The following ENPP3 variants were observed in gnomAD, a reference collection of about 807,000 sequenced individuals.
The protein encoded by ENPP3 is ectonucleotide pyrophosphatase/phosphodiesterase 3, also known as ectonucleotide pyrophosphatase/phosphodiesterase family member 3.
A neutral mutation model predicts 117.8 loss-of-function variants in ENPP3; 104 were observed. The ratio of observed to expected loss-of-function variants is 0.88; its 90% CI spans 0.75 to 1.04. The LOEUF is 1.04. ENPP3 is among the 50% of genes least tolerant of loss of function. The pLI, the probability that ENPP3 is intolerant of heterozygous loss-of-function variation, is 0.00. For missense variants in ENPP3, 1,026 were observed against 1,051.9 expected, an observed-to-expected ratio of 0.98 and a Z score of 0.34; for synonymous variants, 380 against 349.9, an observed-to-expected ratio of 1.09 and a Z score of -0.96.
chr6:131,653,175 G>A (rs1178487871), intron 5 of ENPP3, among the ~76,000 whole-genome samples: 1 of 152,110 alleles, frequency 6.6e-6, no homozygotes, highest in Admixed American at 6.6e-5. Context: ...TGTTTTCCAA[G>A]CTGGAGCGCG....
intron 15 of ENPP3, among the ~76,000 whole-genome samples, chr6:131,716,676 A>T (rs1044202108): frequency 5.8e-3 from 2 of 346 alleles, no homozygotes; most frequent in Non-Finnish European, 0.013. Context: ...ATTTATAATT[A>T]AAAAAATAGA....
rs375126762 is a variant in ENPP3, at chr6:131,675,968, C to T, written c.873-768C>T. On this transcript the variant is annotated intron_variant, in intron 9 of 24. Coordinates refer to ENST00000357639, the MANE Select transcript of ENPP3 (RefSeq NM_005021.5). ...GCTTACAAGGCCCTGTGTGGCATGACCTCTGGTGTCCCCTTACCTCTCAGA... is the reference window on the plus strand; with the variant it reads ...GCTTACAAGGCCCTGTGTGGCATGATCTCTGGTGTCCCCTTACCTCTCAGA... Among the ~76,000 whole-genome samples, 21 of 152,318 alleles carry T rather than the reference C, an allele frequency of 1.4e-4. 1 individual carries two copies. The South Asian group carries it at 2.1e-3, about 15-fold the overall frequency.
intron 19 of ENPP3, 144 bp downstream of exon 19, chr6:131,724,235 A>C (rs1780101513): frequency 1.6e-6 from 1 of 610,652 alleles, no homozygotes; most frequent in Non-Finnish European, 2.8e-6. Flanking sequence ...GTAAAAAAAA[A>C]AAAACTCACA....
chr6:131,720,579 A>G (rs944265422), intron 17 of ENPP3, among the ~76,000 whole-genome samples, 200 bp downstream of exon 17: 6 of 152,096 alleles, frequency 3.9e-5, no homozygotes, highest in African/African-American at 1.2e-4. Flanking sequence ...ACTAGTAATG[A>G]TAAACTTTAT....
At position 131,668,330 on chromosome 6, in the gene ENPP3, G is replaced by GCC. The variant is rs60833818; in HGVS notation, c.563-2911_563-2910dup. Among the ~76,000 whole-genome samples the GCC allele has an allele frequency of 8.3e-3, 1,175 of 141,664 alleles. 11 individuals are homozygous for GCC. The highest frequency in any genetic ancestry group is 0.026 in the Middle Eastern group (7 of 272). The allele number at this position is 141,664 out of a possible 152,430, so 92.9% of individuals were successfully genotyped here. A position where few individuals can be genotyped will look rare whatever the true frequency, so the allele number is the denominator to read the frequency against. On this transcript the variant is annotated intron_variant, in intron 6 of 24. Transcript: ENST00000357639. ...CGGGTTCCAGTGATTCTCCTGTCTC[G>GCC]CCCCCCCCTGAGGATCTGGGATTAC...
At chr6:131,661,538 C>CA (rs1778499758) in intron 6 of ENPP3, among the ~76,000 whole-genome samples, 1 of 152,038 alleles carries the variant, frequency 6.6e-6, no homozygotes, top group Non-Finnish European at 1.5e-5. Flanking sequence ...GTGATCCTCC[C>CA]ATCTCAGCCT....
Position 131,733,659 on chromosome 6 carries a change from G to A in ENPP3, c.2025G>A (p.Glu675=). 15 of 1,614,130 alleles carry A rather than the reference G, an allele frequency of 9.3e-6. No homozygotes were observed. The highest frequency in any genetic ancestry group is 1.3e-5 in the Non-Finnish European group (15 of 1,180,006). ...CTGATGTCAGGGTTCCTCCTTCTGA[G>A]AGCCAAAAATGTTCCTTCTATTTAG... is the stretch of plus-strand genomic sequence containing the variant. ...LRADVRVPPS[E]SQKCSFYLAD... is the part of the protein sequence containing the mutation. Residue 675 remains glutamate, a synonymous_variant, in exon 21 of 25, where the codon GAG becomes GAA. Transcript: ENST00000357639.
In ENPP3 at chr6:131,652,557, G is replaced by A. The variant is rs767163918; in HGVS notation, c.293G>A (p.Cys98Tyr). 27 of 1,613,992 alleles carry A rather than the reference G, an allele frequency of 1.7e-5. No homozygotes were observed. Among genetic ancestry groups the A allele is most frequent in the Non-Finnish European group, 2.3e-5 (27 of 1,179,872 alleles). ...CGTTTTACAGCTCGAATATGGATGT[G>A]CAATAAATTTCGTTGTGGAGAGACC... ...TCVESTRIWM[C>Y]NKFRCGETRL... Residue 98 changes from cysteine (C) to tyrosine (Y), a missense_variant, in exon 4 of 25, where the codon TGC becomes TAC. By Grantham distance (194) the Cys-to-Tyr change is radical. Transcript: ENST00000357639.
At chr6:131,696,921 C>G (rs764193869) in intron 15 of ENPP3, among the ~76,000 whole-genome samples, 2 of 152,034 alleles carry the variant, frequency 1.3e-5, no homozygotes, top group Non-Finnish European at 2.9e-5. Context: ...AGGCACCCAC[C>G]ACCACACCCA....
Position 131,729,942 on chromosome 6 carries a change from A to G in ENPP3, c.1954-3646A>G, listed in dbSNP as rs149728460. Among the ~76,000 whole-genome samples the G allele has an allele frequency of 1.4e-3, 206 of 152,312 alleles. 1 individual carries two copies. Among genetic ancestry groups the G allele is most frequent in the African/African-American group, 4.8e-3 (200 of 41,568 alleles). ...AGCACAAAGTCTAAGCTACTTTGAG[A>G]ACATGGTAAATATTTTGACCAACTA... On this transcript the variant is annotated intron_variant, in intron 20 of 24. Transcript: ENST00000357639.
chr6:131,663,988 T>C (rs1228102679), intron 6 of ENPP3, among the ~76,000 whole-genome samples: 3 of 152,130 alleles, frequency 2.0e-5, no homozygotes, highest in African/African-American at 7.2e-5. Context: ...ACCTTGGCCT[T>C]CCAAAGTGCC....
intron 9 of ENPP3, chr6:131,675,391 G>T (rs985178173): frequency 4.7e-5 from 25 of 529,954 alleles, no homozygotes; most frequent in African/African-American, 4.0e-4. Context: ...TGTAGCCTGA[G>T]AACTTTTTAT....
intron 12 of ENPP3, among the ~76,000 whole-genome samples, chr6:131,684,478 G>A (rs1037895991): frequency 4.6e-5 from 7 of 152,066 alleles, no homozygotes; most frequent in Admixed American, 2.0e-4. Flanking sequence ...TCAGGAGTTC[G>A]AGACCAGCCT....
At chr6:131,742,739 T>C (rs2114584314) in intron 24 of ENPP3, among the ~76,000 whole-genome samples, 1 of 152,314 alleles carries the variant, frequency 6.6e-6, no homozygotes, top group East Asian at 1.9e-4. Context: ...TGAAATTACT[T>C]GAACACATCT....
Position 131,693,512 on chromosome 6 carries a change from C to T in ENPP3, c.1300C>T (p.Gln434Ter). The T allele has an allele frequency of 4.3e-6, 7 of 1,612,002 alleles. No homozygotes were observed. The highest frequency in any genetic ancestry group is 5.1e-6 in the Non-Finnish European group (6 of 1,179,136). The stretch of plus-strand genomic sequence containing the variant: ...TGCTTTTCAGTGCCGAAAACCTGAT[C>T]AGCATTTCAAGCCCTATTTGACTCC... ...VRNLSCRKPDQHFKPYLTPDL... is the reference protein window; with the variant it reads ...VRNLSCRKPD The change falls in exon 15 of 25, where the codon CAG (glutamine) becomes TAG (stop). Residue 434 changes from glutamine to a stop codon, truncating the protein, a stop_gained. Coordinates refer to ENST00000357639, the MANE Select transcript of ENPP3 (RefSeq NM_005021.5). LOFTEE classifies it high-confidence loss of function.
intron 7 of ENPP3, among the ~76,000 whole-genome samples, chr6:131,672,293 T>C (rs1186078849): frequency 1.3e-5 from 2 of 152,188 alleles, no homozygotes; most frequent in African/African-American, 4.8e-5. Flanking sequence ...GCCATACTTT[T>C]TATATTCTCA....
chr6:131,740,187 A>G, intron 23 of ENPP3, 37 bp from the exon 24 acceptor site: 1 of 1,491,638 alleles, frequency 6.7e-7, no homozygotes. Context: ...ACAAAAGTAT[A>G]ATAACATCAA....
chr6:131,738,479 A>G (rs1054162143), intron 23 of ENPP3, among the ~76,000 whole-genome samples: 16 of 152,180 alleles, frequency 1.1e-4, no homozygotes, highest in Non-Finnish European at 1.5e-5. Flanking sequence ...ACTATCAATG[A>G]GTATAAAACC....
intron 14 of ENPP3, among the ~76,000 whole-genome samples, chr6:131,689,085 A>C (rs1015547368): frequency 6.6e-6 from 1 of 152,092 alleles, no homozygotes; most frequent in Non-Finnish European, 1.5e-5. Context: ...GAGAGAAAAA[A>C]AGAAGAAGCC....
Sources: allele counts gnomAD v4.1 joint callset (sites outside exome capture counted in the v4.1 genomes callset), GRCh38; gene constraint gnomAD v4.1.1; transcripts MANE v1.5; gene names NCBI Gene and HGNC (gene_info 2026-07-23, HGNC 2026-07-21).